Variants in DOCK7 observed in about 807,000 individuals in gnomAD.
The protein encoded by DOCK7 is dedicator of cytokinesis protein 7.
Under a neutral mutation model 271.0 loss-of-function variants are expected in DOCK7, and 138 were observed. The ratio of observed to expected loss-of-function variants is 0.51; its 90% CI spans 0.44 to 0.59. DOCK7 has a LOEUF of 0.59. Among genes scored for constraint, DOCK7 ranks in the 20% least tolerant of loss-of-function variants. The pLI is 0.00. For missense variants in DOCK7, 2,066 were observed against 2,592.4 expected (o/e 0.80, Z 4.41); for synonymous variants, 823 against 876.1 (o/e 0.94, Z 1.07).
intron 31 of DOCK7, among the ~76,000 whole-genome samples, chr1:62,519,721 T>C (rs572384601): frequency 6.6e-6 from 1 of 152,100 alleles, no homozygotes; most frequent in South Asian, 2.1e-4. Flanking sequence ...TGAAACCATT[T>C]GGGGAAGATG....
intron 31 of DOCK7, among the ~76,000 whole-genome samples, chr1:62,523,731 G>C (rs1644918163): frequency 6.6e-6 from 1 of 152,028 alleles, no homozygotes; most frequent in African/African-American, 2.4e-5. Context: ...GCCAGGCATG[G>C]TGGCGGGTGC....
chr1:62,584,887 G>A (rs1182306918), intron 15 of DOCK7: 2 of 714,230 alleles, frequency 2.8e-6, no homozygotes, highest in East Asian at 2.7e-5. Flanking sequence ...CTCTGTAGAG[G>A]AGGCCACATA....
chr1:62,496,371 G>T lies in DOCK7; in HGVS notation c.4891C>A (p.Leu1631Met). 3.1e-6 allele frequency: 5 copies of T among 1,613,102 alleles called. No individual in the cohort carries two copies. The highest frequency in any genetic ancestry group is 4.2e-6 in the Non-Finnish European group (5 of 1,179,538). Residue 1631 changes from leucine (L) to methionine (M), a missense_variant, in exon 38 of 50, where the codon CTG (leucine) becomes ATG (methionine). Coordinates refer to ENST00000635253, the MANE Select transcript of DOCK7 (RefSeq NM_001367561.1). ...GGAAATGTTGTTTCCCTCAATTCCA[G>T]ATCTTCTTCAGCATATGTCAATATA... Reference protein sequence around the residue: ...KTILTYAEEDLELRETTFPDQ... With the variant: ...KTILTYAEEDMELRETTFPDQ...
chr1:62,653,355 T>C (rs557689293), intron 4 of DOCK7, among the ~76,000 whole-genome samples: 2 of 152,308 alleles, frequency 1.3e-5, no homozygotes, highest in Non-Finnish European at 2.9e-5. Flanking sequence ...AAACTGCCTG[T>C]TAATTTTAAC....
intron 1 of DOCK7, among the ~76,000 whole-genome samples, chr1:62,664,288 C>A (rs1442663996): frequency 6.6e-6 from 1 of 152,066 alleles, no homozygotes; most frequent in South Asian, 2.1e-4. Context: ...GTGGGAGGGA[C>A]CCTGTGAGAG....
At chr1:62,570,031 T>C (rs376011192) in intron 18 of DOCK7, among the ~76,000 whole-genome samples, 5 of 152,164 alleles carry the variant, frequency 3.3e-5, no homozygotes, top group African/African-American at 9.6e-5. Flanking sequence ...CTATTCAACA[T>C]AGTATTAGAA....
At chr1:62,537,086 T>C (rs892285923) in intron 28 of DOCK7, among the ~76,000 whole-genome samples, 1 of 152,198 alleles carries the variant, frequency 6.6e-6, no homozygotes, top group Non-Finnish European at 1.5e-5. Context: ...CAGTTTGACT[T>C]CTTTCTCTGT....
At chr1:62,488,206 T>TGGA (rs903241499) in intron 42 of DOCK7, 1 of 152,470 alleles carries the variant, frequency 6.6e-6, no homozygotes, top group Non-Finnish European at 1.5e-5. Flanking sequence ...AACAGAAAAG[T>TGGA]GGAGGAGGAG....
At position 62,510,790 on chromosome 1, in the gene DOCK7, T is replaced by C. The variant is rs115936118; in HGVS notation, c.4283-117A>G. The C allele has an allele frequency of 3.2e-3, 2,257 of 708,650 alleles. 43 individuals carry two copies. The African/African-American group carries it at 0.037, about 12-fold the overall frequency. 43.9% of individuals were successfully genotyped at this position (708,650 alleles called of 1,614,324 possible). On this transcript the variant is annotated intron_variant, in intron 33 of 49. Transcript: ENST00000635253. ...ATAATTTGTACAAGCCATTTTATCCTCAGTACAAGTTGAAAAACCTGACAA... is the reference window on the plus strand; with the variant it reads ...ATAATTTGTACAAGCCATTTTATCCCCAGTACAAGTTGAAAAACCTGACAA...
chr1:62,555,892 G>A lies in DOCK7; in HGVS notation c.2529C>T (p.Ser843=). 6.2e-7 allele frequency: 1 copy of A among 1,613,840 alleles called. No homozygotes were observed. The highest frequency in any genetic ancestry group is 1.7e-5 in the Admixed American group (1 of 60,016). ...CATAATGAATATATGATGCAAGAAGGCTGTTTCTGCCATGCTGGTCATGAT... is the reference window on the plus strand; with the variant it reads ...CATAATGAATATATGATGCAAGAAGACTGTTTCTGCCATGCTGGTCATGAT... The part of the protein sequence containing the change: ...EGNHDQHGRN[S]LLASYIHYVF... Residue 843 remains serine (S), a synonymous_variant, in exon 21 of 50, where the codon AGC becomes AGT. Coordinates refer to ENST00000635253, the MANE Select transcript of DOCK7 (RefSeq NM_001367561.1).
chr1:62,553,939 C>CT (rs1646048023), intron 21 of DOCK7, among the ~76,000 whole-genome samples: 1 of 151,678 alleles, frequency 6.6e-6, no homozygotes. Flanking sequence ...GTGTCTCTTC[C>CT]TTTTTTCCCA....
chr1:62,678,592 A>G (rs1042847857), intron 1 of DOCK7, among the ~76,000 whole-genome samples: 1 of 152,212 alleles, frequency 6.6e-6, no homozygotes, highest in Admixed American at 6.5e-5. Flanking sequence ...TATAGATTCA[A>G]TGCAATCCCA....
rs770103763 is a variant in DOCK7, at chr1:62,648,400, G to A, written c.519+15C>T. The A allele has an allele frequency of 4.0e-6, 6 of 1,487,608 alleles. No homozygotes were observed. The highest frequency in any genetic ancestry group is 5.4e-6 in the Non-Finnish European group (6 of 1,121,120). The allele number at this position is 1,487,608 out of a possible 1,614,324, so 92.2% of individuals were successfully genotyped here. On this transcript the variant is annotated intron_variant, in intron 5 of 49. Transcript: ENST00000635253. ...TAAATAACTTCTTATAGTTATTTAA[G>A]AATAAAAGTATTACTTGATCATCCT...
chr1:62,562,186 C>T (rs923590567), intron 18 of DOCK7, among the ~76,000 whole-genome samples: 14 of 141,110 alleles, frequency 9.9e-5, no homozygotes, highest in South Asian at 6.7e-4. Context: ...TTAATTGGGT[C>T]TTAAAATATT....
chr1:62,543,599 C>A (rs1014237808), intron 24 of DOCK7, 57 bp downstream of exon 24: 18 of 1,303,554 alleles, frequency 1.4e-5, no homozygotes, highest in African/African-American at 1.0e-4. Flanking sequence ...AATCTTACAT[C>A]TATTTAATTG....
Position 62,641,485 on chromosome 1 carries a change from A to G in DOCK7, c.819-4882T>C. On this transcript the variant is annotated intron_variant, in intron 7 of 49. Coordinates refer to ENST00000635253, the MANE Select transcript of DOCK7 (RefSeq NM_001367561.1). ...GCAGCATGCTTCACATGGTCCACCA[A>G]AAGAGGTGGCTGGGGGCTTGGAAAT... 3 of 438,752 alleles carry G rather than the reference A, an allele frequency of 6.8e-6. 1 individual carries two copies. The highest frequency in any genetic ancestry group is 4.9e-5 in the South Asian group (3 of 60,714). The allele number at this position is 438,752 out of a possible 1,614,324, so 27.2% of individuals were successfully genotyped here.
intron 14 of DOCK7, among the ~76,000 whole-genome samples, chr1:62,612,727 C>T (rs999432924): frequency 5.3e-5 from 8 of 152,070 alleles, no homozygotes; most frequent in African/African-American, 1.9e-4. Flanking sequence ...GGGCATATTC[C>T]TAACAGACCA....
intron 48 of DOCK7, among the ~76,000 whole-genome samples, chr1:62,466,970 C>A (rs1297878664): frequency 6.6e-6 from 1 of 151,636 alleles, no homozygotes; most frequent in Non-Finnish European, 1.5e-5. Context: ...ACACAAAAAA[C>A]AAGAACAACA....
chr1:62,631,190 A>T, intron 11 of DOCK7, 50 bp downstream of exon 11: 1 of 1,516,162 alleles, frequency 6.6e-7, no homozygotes, highest in Non-Finnish European at 8.8e-7. Flanking sequence ...ATCTCAAAAA[A>T]AAAAGAAAAA....
Sources: gnomAD v4.1 joint callset for allele counts (sites outside exome capture counted in the v4.1 genomes callset) on GRCh38, gnomAD v4.1.1 for gene constraint, MANE v1.5 for transcripts, NCBI Gene and HGNC (gene_info 2026-07-23, HGNC 2026-07-21) for gene names.